Variants in ARHGEF6 observed in about 807,000 individuals in gnomAD.
ARHGEF6 encodes rho guanine nucleotide exchange factor 6.
ARHGEF6 carries 9 observed loss-of-function variants against 70.3 expected under a neutral mutation model. The ratio of observed to expected loss-of-function variants is 0.13; its 90% CI spans 0.08 to 0.22. ARHGEF6 has a LOEUF of 0.22. Ranked by LOEUF, ARHGEF6 falls within the 10% of genes least tolerant of loss-of-function variation. The pLI, the probability that ARHGEF6 is intolerant of heterozygous loss-of-function variation, is 1.00. For missense variants in ARHGEF6, 470 were observed against 563.0 expected, an observed-to-expected ratio of 0.83 and a Z score of 1.67; for synonymous variants, 201 against 207.8, an observed-to-expected ratio of 0.97 and a Z score of 0.28.
intron 6 of ARHGEF6, among the ~76,000 whole-genome samples, chrX:136,715,963 G>A (rs768711976): frequency 3.6e-5 from 4 of 112,344 alleles, no homozygotes. Flanking sequence ...TTTTTGAGAC[G>A]CAGTTTCGCT....
At chrX:136,734,794 T>C (rs1370298344) in intron 5 of ARHGEF6, among the ~76,000 whole-genome samples, 10 of 112,026 alleles carry the variant, frequency 8.9e-5, no homozygotes, top group Non-Finnish European at 1.7e-4. Context: ...AAGAATTGTA[T>C]ACTATGGGAT....
At chrX:136,763,953 G>C (rs938241846) in intron 2 of ARHGEF6, among the ~76,000 whole-genome samples, 2 of 111,790 alleles carry the variant, frequency 1.8e-5, no homozygotes, top group African/African-American at 6.5e-5. Context: ...AAGGTAGCTT[G>C]GCACAAGGGA....
At chrX:136,679,787 A>C in intron 15 of ARHGEF6, 127 bp from the exon 16 acceptor site, 1 of 871,898 alleles carries the variant, frequency 1.1e-6, no homozygotes, top group Non-Finnish European at 1.7e-6. Flanking sequence ...TAGATGGAAA[A>C]ACAAAAGTCT....
intron 6 of ARHGEF6, among the ~76,000 whole-genome samples, chrX:136,724,272 G>C (rs891688833): frequency 1.9e-5 from 2 of 108,056 alleles, no homozygotes; most frequent in Admixed American, 9.9e-5. Context: ...TAGAAGCGGG[G>C]TTTCACCATA....
chrX:136,715,711 G>A (rs2076729692), intron 6 of ARHGEF6, among the ~76,000 whole-genome samples: 1 of 110,581 alleles, frequency 9.0e-6, no homozygotes, highest in South Asian at 3.8e-4. Context: ...GGAACTCCAG[G>A]GGCCCAATAT....
chrX:136,719,460 A>G (rs1164016663), intron 6 of ARHGEF6, among the ~76,000 whole-genome samples: 2 of 112,170 alleles, frequency 1.8e-5, no homozygotes, highest in Non-Finnish European at 3.8e-5. Context: ...TTTGAACTAA[A>G]TGGAAATGAA....
chrX:136,702,970 G>A (rs1364627996), intron 9 of ARHGEF6, among the ~76,000 whole-genome samples: 2 of 111,266 alleles, frequency 1.8e-5, no homozygotes, highest in Non-Finnish European at 3.8e-5. Context: ...CACGTTATGG[G>A]CCATAAAACA....
chrX:136,674,922 G>T (rs754782500), intron 19 of ARHGEF6, 85 bp downstream of exon 19: 16 of 886,652 alleles, frequency 1.8e-5, no homozygotes, highest in Non-Finnish European at 2.5e-5. Context: ...CAACCCATCC[G>T]GGTTGCTTTT....
At chrX:136,767,537 G>C in intron 2 of ARHGEF6, 1 of 754,769 alleles carries the variant, frequency 1.3e-6, no homozygotes, top group Non-Finnish European at 1.6e-6. Context: ...CGTGCCGCTC[G>C]GCGGGCGGAG....
chrX:136,686,842 A>T (rs1479355302), intron 11 of ARHGEF6, among the ~76,000 whole-genome samples: 1 of 103,339 alleles, frequency 9.7e-6, no homozygotes, highest in Non-Finnish European at 2.0e-5. Context: ...ACTGTTTCCA[A>T]ATGAATGTAA....
At chrX:136,747,313 T>C (rs1285706501) in intron 3 of ARHGEF6, among the ~76,000 whole-genome samples, 195 bp downstream of exon 3, 2 of 111,328 alleles carry the variant, frequency 1.8e-5, no homozygotes, top group Admixed American at 9.6e-5. Context: ...TAGAATAACA[T>C]CTATGATAGG....
intron 9 of ARHGEF6, among the ~76,000 whole-genome samples, chrX:136,705,973 T>C (rs2076622493): frequency 8.9e-6 from 1 of 112,396 alleles, no homozygotes; most frequent in Admixed American, 9.4e-5. Flanking sequence ...TTTTCAGTCT[T>C]GAACAGCTTC....
intron 9 of ARHGEF6, among the ~76,000 whole-genome samples, chrX:136,702,462 T>C (rs778388428): frequency 1.8e-5 from 2 of 112,102 alleles, no homozygotes; most frequent in Non-Finnish European, 3.8e-5. Flanking sequence ...CAGAGTGGAT[T>C]AAGAAACAAG....
Position 136,747,646 on chromosome X carries a change from A to G in ARHGEF6, c.250-54T>C. 3.6e-6 allele frequency: 3 copies of G among 843,170 alleles called. No homozygotes were observed. In the South Asian group the frequency reaches 6.4e-5, roughly 18 times the overall value. The allele number at this position is 843,170 out of a possible 1,213,427, so 69.5% of individuals were successfully genotyped here. A position where few individuals can be genotyped will look rare whatever the true frequency, so the allele number is the denominator to read the frequency against. ...GACACTACAAGTATTCAACTCAACA[A>G]ACAAAACTATCAAAAGGCCACTTCC... is the stretch of plus-strand genomic sequence containing the variant. On this transcript the variant is annotated intron_variant, in intron 2 of 21. Coordinates refer to ENST00000250617, the MANE Select transcript of ARHGEF6 (RefSeq NM_004840.3).
chrX:136,717,069 T>C (rs1378763977), intron 6 of ARHGEF6, among the ~76,000 whole-genome samples: 1 of 111,965 alleles, frequency 8.9e-6, no homozygotes, highest in Non-Finnish European at 1.9e-5. Flanking sequence ...ACAATAGTGG[T>C]TGAGAATTTA....
chrX:136,698,850 G>A (rs1277836535), intron 9 of ARHGEF6, among the ~76,000 whole-genome samples: 1 of 112,285 alleles, frequency 8.9e-6, no homozygotes, highest in Non-Finnish European at 1.9e-5. Context: ...ATGCAATTAT[G>A]AAAGACAGTA....
At position 136,713,387 on chromosome X, in the gene ARHGEF6, C is replaced by A; in HGVS notation, c.733-17G>T. ...CTGTAACACCTATGGAAAAAAAAGT[C>A]AATGTATTATAATCATCACGATAGT... On this transcript the variant is annotated splice_polypyrimidine_tract_variant and intron_variant, in intron 6 of 21. Coordinates refer to ENST00000250617, the MANE Select transcript of ARHGEF6 (RefSeq NM_004840.3). 1.8e-6 allele frequency: 2 copies of A among 1,118,900 alleles called. No individual in the cohort carries two copies. The highest frequency in any genetic ancestry group is 2.2e-5 in the Admixed American group (1 of 45,842). The allele number at this position is 1,118,900 out of a possible 1,213,427, so 92.2% of individuals were successfully genotyped here.
At chrX:136,720,267 G>A (rs961780634) in intron 6 of ARHGEF6, among the ~76,000 whole-genome samples, 6 of 111,462 alleles carry the variant, frequency 5.4e-5, no homozygotes, top group African/African-American at 2.0e-4. Flanking sequence ...TCCAGCAATA[G>A]ATAAAAAGAA....
intron 2 of ARHGEF6, among the ~76,000 whole-genome samples, chrX:136,757,119 C>T (rs1054306994): frequency 8.8e-6 from 1 of 113,016 alleles, no homozygotes; most frequent in Non-Finnish European, 1.9e-5. Flanking sequence ...GTAGTCCCAG[C>T]ACTTTGGGAG....
Sources: gnomAD v4.1 joint callset for allele counts (sites outside exome capture counted in the v4.1 genomes callset) on GRCh38, gnomAD v4.1.1 for gene constraint, MANE v1.5 for transcripts, NCBI Gene and HGNC (gene_info 2026-07-23, HGNC 2026-07-21) for gene names.